NPFFR2: variants seen among roughly 807,000 people sequenced by gnomAD.
NPFFR2 encodes G-protein coupled receptor 74.
In NPFFR2, 15 loss-of-function variants were observed where a neutral mutation model predicts 13.1. The observed-to-expected ratio is 1.15, with a 90% confidence interval of 0.77 to 1.76. The LOEUF (loss-of-function observed/expected upper bound fraction) is 1.76. NPFFR2 is among the 40% of genes most tolerant of loss of function. NPFFR2 has a pLI of 0.00. For synonymous variants in NPFFR2, 190 were observed against 175.7 expected (o/e 1.08, Z -0.65); for missense variants, 572 against 503.5 (o/e 1.14, Z -1.30).
chr4:72,064,950 A>T (rs1388215919), intron 1 of NPFFR2, among the ~76,000 whole-genome samples: 1 of 152,136 alleles, frequency 6.6e-6, no homozygotes, highest in African/African-American at 2.4e-5. Context: ...TGCTGGAGGG[A>T]TGCTTGCAGC....
At chr4:72,115,199 G>A (rs1721677316) in intron 1 of NPFFR2, among the ~76,000 whole-genome samples, 1 of 152,018 alleles carries the variant, frequency 6.6e-6, no homozygotes, top group South Asian at 2.1e-4. Flanking sequence ...TTTTACTCAT[G>A]GATGTATTTA....
At chr4:72,079,059 C>T (rs1720525374) in intron 1 of NPFFR2, among the ~76,000 whole-genome samples, 1 of 128,942 alleles carries the variant, frequency 7.8e-6, no homozygotes. Context: ...ACTAAACACA[C>T]ACACACACAC....
chr4:72,060,957 A>G (rs552104344), intron 1 of NPFFR2, among the ~76,000 whole-genome samples: 5 of 152,330 alleles, frequency 3.3e-5, no homozygotes, highest in Admixed American at 6.5e-5. Flanking sequence ...ACCTTATACA[A>G]TATCAGTCAA....
intron 1 of NPFFR2, among the ~76,000 whole-genome samples, chr4:72,056,512 A>G (rs1488818300): frequency 2.0e-5 from 3 of 152,032 alleles, no homozygotes; most frequent in Non-Finnish European, 4.4e-5. Flanking sequence ...TGCTAATACA[A>G]CATACATTCT....
At chr4:72,103,307 A>C (rs1420750492) in intron 1 of NPFFR2, among the ~76,000 whole-genome samples, 3 of 152,134 alleles carry the variant, frequency 2.0e-5, no homozygotes, top group Non-Finnish European at 4.4e-5. Flanking sequence ...CATTGGCAGG[A>C]GGAGCCAAAT....
intron 2 of NPFFR2, among the ~76,000 whole-genome samples, chr4:72,129,525 T>G (rs1238023929): frequency 1.7e-5 from 1 of 58,464 alleles, no homozygotes; most frequent in Non-Finnish European, 3.4e-5. Flanking sequence ...AAGGATTAAG[T>G]GCTGTGCTTT....
At chr4:72,075,179 C>G (rs891266687) in intron 1 of NPFFR2, among the ~76,000 whole-genome samples, 2 of 152,024 alleles carry the variant, frequency 1.3e-5, no homozygotes, top group Admixed American at 6.6e-5. Context: ...GGTAGAAAAA[C>G]ATGAAAAGGT....
intron 1 of NPFFR2, among the ~76,000 whole-genome samples, chr4:72,128,376 A>C (rs1166657955): frequency 1.3e-5 from 2 of 152,208 alleles, no homozygotes; most frequent in Admixed American, 6.5e-5. Context: ...TTATGGCACA[A>C]ATTGGAATTT....
intron 3 of NPFFR2, among the ~76,000 whole-genome samples, chr4:72,144,437 C>T (rs932051772): frequency 1.2e-4 from 18 of 152,218 alleles, no homozygotes; most frequent in African/African-American, 4.1e-4. Flanking sequence ...TGTCAAAGAA[C>T]TTGGAAATGT....
chr4:72,061,484 A>G (rs1719916842), intron 1 of NPFFR2, among the ~76,000 whole-genome samples: 1 of 152,090 alleles, frequency 6.6e-6, no homozygotes, highest in Non-Finnish European at 1.5e-5. Flanking sequence ...TCCTCCACCT[A>G]CTATTTCTAT....
At chr4:72,048,556 G>T (rs893433797) in intron 1 of NPFFR2, among the ~76,000 whole-genome samples, 4 of 152,108 alleles carry the variant, frequency 2.6e-5, no homozygotes, top group African/African-American at 7.2e-5. Flanking sequence ...TGGAGAAAAT[G>T]AACAAATAGC....
chr4:72,065,091 GAA>G (rs560115744), intron 1 of NPFFR2, among the ~76,000 whole-genome samples: 1 of 103,176 alleles, frequency 9.7e-6, no homozygotes, highest in Non-Finnish European at 2.1e-5. Context: ...GTTGCTCAGA[GAA>G]AAAAAAAAAA....
intron 1 of NPFFR2, among the ~76,000 whole-genome samples, chr4:72,078,674 T>C (rs1463163066): frequency 1.3e-5 from 2 of 152,080 alleles, no homozygotes; most frequent in South Asian, 2.1e-4. Context: ...TATGGCTACA[T>C]TGATAAAAAA....
At chr4:72,132,129 G>T (rs1355898615) in intron 2 of NPFFR2, among the ~76,000 whole-genome samples, 1 of 137,418 alleles carries the variant, frequency 7.3e-6, no homozygotes, top group Non-Finnish European at 1.5e-5. Flanking sequence ...AGTACCCATT[G>T]GTTTTTTTTT....
At chr4:72,038,147 A>C (rs1374518103) in intron 1 of NPFFR2, among the ~76,000 whole-genome samples, 1 of 152,148 alleles carries the variant, frequency 6.6e-6, no homozygotes, top group Non-Finnish European at 1.5e-5. Context: ...CTGCCTGGGA[A>C]TCGTGAGTCT....
chr4:72,096,575 G>A (rs1388143610), intron 1 of NPFFR2, among the ~76,000 whole-genome samples: 2 of 151,896 alleles, frequency 1.3e-5, no homozygotes, highest in African/African-American at 4.8e-5. Flanking sequence ...TTCTTTTCGA[G>A]CATCTACTTT....
chr4:72,128,521 G>T (rs1722134572), intron 1 of NPFFR2, 64 bp from the exon 2 acceptor site: 2 of 973,816 alleles, frequency 2.1e-6, no homozygotes, highest in African/African-American at 3.3e-5. Context: ...TTAAACTCAG[G>T]CACAGAATTT....
chr4:72,054,131 A>G (rs935213152), intron 1 of NPFFR2, among the ~76,000 whole-genome samples: 1 of 151,922 alleles, frequency 6.6e-6, no homozygotes, highest in African/African-American at 2.4e-5. Flanking sequence ...CTTTTTTTGA[A>G]GAAAATAATA....
chr4:72,102,760 C>T (rs1225807668), intron 1 of NPFFR2, among the ~76,000 whole-genome samples: 1 of 151,982 alleles, frequency 6.6e-6, no homozygotes, highest in Non-Finnish European at 1.5e-5. Flanking sequence ...TTTTCTTAAT[C>T]CAGTCTATCA....
Sources: allele counts gnomAD v4.1 joint callset (sites outside exome capture counted in the v4.1 genomes callset), GRCh38; gene constraint gnomAD v4.1.1; transcripts MANE v1.5; gene names NCBI Gene and HGNC (gene_info 2026-07-23, HGNC 2026-07-21).